KCNK2: variants seen among roughly 807,000 people sequenced by gnomAD.
The protein encoded by KCNK2 is potassium channel subfamily K member 2.
KCNK2 carries 21 observed loss-of-function variants against 40.5 expected under a neutral mutation model. The ratio of observed to expected loss-of-function variants is 0.52; its 90% CI spans 0.37 to 0.75. The LOEUF (loss-of-function observed/expected upper bound fraction) is 0.75, where lower values mean the gene tolerates loss of function less well. Ranked by LOEUF, KCNK2 falls within the 30% of genes least tolerant of loss-of-function variation. The pLI is 0.00. For missense variants in KCNK2, 399 were observed against 531.6 expected, an observed-to-expected ratio of 0.75 and a Z score of 2.45; for synonymous variants, 191 against 202.2, an observed-to-expected ratio of 0.94 and a Z score of 0.47.
chr1:215,134,197 A>G (rs1032830683), intron 3 of KCNK2, among the ~76,000 whole-genome samples: 3 of 152,108 alleles, frequency 2.0e-5, no homozygotes, highest in African/African-American at 7.2e-5. Flanking sequence ...GCAGTTCTCC[A>G]CTGGACACCA....
intron 3 of KCNK2, among the ~76,000 whole-genome samples, chr1:215,125,753 T>G (rs1661396206): frequency 1.4e-4 from 1 of 7,206 alleles, no homozygotes; most frequent in South Asian, 1.2e-3. Context: ...TATATATATA[T>G]ATATATATAT....
chr1:215,042,080 GC>G (rs550060207), intron 1 of KCNK2, among the ~76,000 whole-genome samples: 2 of 152,082 alleles, frequency 1.3e-5, no homozygotes, highest in South Asian at 4.1e-4. Flanking sequence ...GGAAAAACCT[GC>G]CCCCATGATT....
At position 215,199,997 on chromosome 1, in the gene KCNK2, G is replaced by A. The variant is rs538064045; in HGVS notation, c.963+4905G>A. ...GCACATATGAGATAAACACCACTGC[G>A]GCCCACACCATAGCATGCTAGTGTT... is the stretch of plus-strand genomic sequence containing the variant. On this transcript the variant is annotated intron_variant, in intron 6 of 6. Coordinates refer to ENST00000444842, the MANE Select transcript of KCNK2 (RefSeq NM_001017425.3). 4.7e-4 allele frequency among the ~76,000 whole-genome samples: 71 copies of A among 152,238 alleles called. No homozygotes were observed. In the South Asian group the frequency reaches 7.2e-3, roughly 16 times the overall value.
At position 215,227,564 on chromosome 1, in the gene KCNK2, T is replaced by G. The variant is rs191080221; in HGVS notation, c.964-7264T>G. Among the ~76,000 whole-genome samples, 164 of 152,234 alleles carry G rather than the reference T, an allele frequency of 1.1e-3. 1 individual carries two copies. Among genetic ancestry groups the G allele is most frequent in the African/African-American group, 3.9e-3 (161 of 41,560 alleles). ...TGAGTCACTTTAAAGAGTTGGAACT[T>G]TATTGTAAGTGAAACAGGCATCAAT... On this transcript the variant is annotated intron_variant, in intron 6 of 6. Coordinates refer to ENST00000444842, the MANE Select transcript of KCNK2 (RefSeq NM_001017425.3).
chr1:215,131,241 A>G (rs1450612481), intron 3 of KCNK2, among the ~76,000 whole-genome samples: 5 of 151,210 alleles, frequency 3.3e-5, no homozygotes, highest in Non-Finnish European at 7.4e-5. Flanking sequence ...ACGTATGGAC[A>G]ACTGTATTCT....
At position 215,098,601 on chromosome 1, in the gene KCNK2, A is replaced by T. The variant is rs1165700851; in HGVS notation, c.357+11923A>T. Among the ~76,000 whole-genome samples, 7 of 152,042 alleles carry T rather than the reference A, an allele frequency of 4.6e-5. No homozygotes were observed. In the East Asian group the frequency reaches 1.3e-3, roughly 29 times the overall value. On this transcript the variant is annotated intron_variant, in intron 2 of 6. Transcript: ENST00000444842. The stretch of plus-strand genomic sequence containing the variant: ...TTTATATTAAAACATCACAGAACAG[A>T]TACCTAGCATTACACTTACTCTTCA...
At chr1:215,007,127 ATATG>A (rs1209313709) in intron 1 of KCNK2, among the ~76,000 whole-genome samples, 3 of 125,024 alleles carry the variant, frequency 2.4e-5, no homozygotes, top group Admixed American at 8.2e-5. Context: ...ATATGTATAT[ATATG>A]TGTATATATA....
chr1:215,005,870 G>GA, exon 1 of KCNK2: 1 of 1,559,276 alleles, frequency 6.4e-7, no homozygotes, highest in Non-Finnish European at 8.8e-7. Context: ...CTTGGAGGAA[G>GA]AACGGCATTA....
intron 6 of KCNK2, among the ~76,000 whole-genome samples, chr1:215,208,634 G>C (rs1163807274): frequency 3.3e-5 from 5 of 152,064 alleles, no homozygotes; most frequent in African/African-American, 7.2e-5. Flanking sequence ...TATCTTCTGA[G>C]AAAAATGCTA....
At chr1:215,131,523 TTA>T (rs1387862164) in intron 3 of KCNK2, among the ~76,000 whole-genome samples, 2 of 147,500 alleles carry the variant, frequency 1.4e-5, no homozygotes, top group African/African-American at 2.5e-5. Flanking sequence ...TTAATTATAA[TTA>T]TATATTAATC....
chr1:215,100,200 T>A (rs1300629503), intron 2 of KCNK2, among the ~76,000 whole-genome samples: 1 of 151,728 alleles, frequency 6.6e-6, no homozygotes, highest in Non-Finnish European at 1.5e-5. Flanking sequence ...AACCCAGGAG[T>A]CACTACACCA....
In KCNK2 at chr1:215,124,654, G is replaced by T. The variant is rs751048888; in HGVS notation, c.379G>T (p.Ala127Ser). Residue 127 changes from alanine (A) to serine (S), a missense_variant, in exon 3 of 7, where the codon GCA becomes TCA. Transcript: ENST00000444842. ...LIQQIVAAINAGIIPLGNTSN... is the reference protein window; with the variant it reads ...LIQQIVAAINSGIIPLGNTSN... The stretch of plus-strand genomic sequence containing the variant: ...GCAGCAAATAGTGGCAGCAATAAAT[G>T]CAGGGATTATACCGTTAGGAAACAC... 3.1e-6 allele frequency: 5 copies of T among 1,610,552 alleles called. No individual in the cohort carries two copies. In the East Asian group the frequency reaches 1.1e-4, roughly 36 times the overall value.
intron 2 of KCNK2, among the ~76,000 whole-genome samples, chr1:215,109,347 C>T (rs1660578595): frequency 1.3e-5 from 2 of 152,016 alleles, no homozygotes; most frequent in Non-Finnish European, 2.9e-5. Context: ...CTTAATTCCC[C>T]ACCCCTCTCC....
intron 1 of KCNK2, among the ~76,000 whole-genome samples, chr1:215,073,849 C>A (rs1168415785): frequency 6.6e-6 from 1 of 152,108 alleles, no homozygotes; most frequent in Non-Finnish European, 1.5e-5. Context: ...TATTATGATT[C>A]CTGTTCTTGT....
At chr1:215,211,420 C>G (rs1665741140) in intron 6 of KCNK2, among the ~76,000 whole-genome samples, 1 of 152,118 alleles carries the variant, frequency 6.6e-6, no homozygotes, top group Admixed American at 6.6e-5. Flanking sequence ...CTTGGCCATT[C>G]TATTTAAGAT....
chr1:215,083,204 G>GCC lies in KCNK2; in HGVS notation c.-178_-177dup. ...CGTTTCTTCTCACGCTCCCCCCCCCGCCCCCTCCCGCGTCCAGCCCCGCTC... is the reference window on the plus strand; with the variant it reads ...CGTTTCTTCTCACGCTCCCCCCCCCGCCCCCCCTCCCGCGTCCAGCCCCGCTC... On this transcript the variant is annotated 5_prime_UTR_variant, in exon 1 of 7. Transcript: ENST00000444842. The GCC allele has an allele frequency of 3.7e-6, 1 of 273,550 alleles. No homozygotes were observed. Among genetic ancestry groups the GCC allele is most frequent in the South Asian group, 4.3e-5 (1 of 23,220 alleles). The allele number at this position is 273,550 out of a possible 1,614,324, so 16.9% of individuals were successfully genotyped here. A position where few individuals can be genotyped will look rare whatever the true frequency, so the allele number is the denominator to read the frequency against.
intron 1 of KCNK2, among the ~76,000 whole-genome samples, chr1:215,026,321 G>C (rs947305089): frequency 1.3e-5 from 2 of 151,886 alleles, no homozygotes; most frequent in Non-Finnish European, 2.9e-5. Flanking sequence ...TTTATTAATA[G>C]TATCTTCTGC....
intron 1 of KCNK2, among the ~76,000 whole-genome samples, chr1:215,024,945 G>GTTT (rs376087335): frequency 1.5e-3 from 123 of 82,522 alleles, no homozygotes; most frequent in African/African-American, 4.1e-3. Flanking sequence ...ATCTACAGGA[G>GTTT]TTTTTTTTTT....
chr1:215,196,802 T>G (rs1407153451), intron 6 of KCNK2, among the ~76,000 whole-genome samples: 3 of 152,010 alleles, frequency 2.0e-5, no homozygotes, highest in South Asian at 2.1e-4. Context: ...AAATGGAAAT[T>G]GTAGCTAGGG....
Sources: allele counts gnomAD v4.1 joint callset (sites outside exome capture counted in the v4.1 genomes callset), GRCh38; gene constraint gnomAD v4.1.1; transcripts MANE v1.5; gene names NCBI Gene and HGNC (gene_info 2026-07-23, HGNC 2026-07-21).